Variants in CFAP45 observed in about 807,000 individuals in gnomAD.
CFAP45 encodes cilia and flagella associated protein 45.
CFAP45 carries 43 observed loss-of-function variants against 75.6 expected under a neutral mutation model. The ratio of observed to expected loss-of-function variants is 0.57; its 90% CI spans 0.45 to 0.73. The LOEUF (loss-of-function observed/expected upper bound fraction) is 0.73. Among genes scored for constraint, CFAP45 ranks in the 30% least tolerant of loss-of-function variants. CFAP45 has a pLI of 0.00. For missense variants in CFAP45, 689 were observed against 701.5 expected (o/e 0.98, Z 0.20); for synonymous variants, 223 against 244.6 (o/e 0.91, Z 0.82).
intron 2 of CFAP45, among the ~76,000 whole-genome samples, chr1:159,891,878 C>A (rs534115853): frequency 6.6e-6 from 1 of 152,190 alleles, no homozygotes; most frequent in Non-Finnish European, 1.5e-5. Flanking sequence ...CCCCCTTTTG[C>A]CAGCCAGCAT....
chr1:159,888,702 T>A (rs527653178), intron 3 of CFAP45, among the ~76,000 whole-genome samples: 1 of 152,132 alleles, frequency 6.6e-6, no homozygotes, highest in South Asian at 2.1e-4. Context: ...AAAGAGACAT[T>A]TTAAGTCCTT....
intron 8 of CFAP45, among the ~76,000 whole-genome samples, chr1:159,878,755 A>C (rs1208049371): frequency 1.1e-5 from 1 of 87,950 alleles, no homozygotes; most frequent in East Asian, 2.4e-4. Flanking sequence ...ACTACATCTA[A>C]AAAAAAAAAA....
chr1:159,893,136 T>C (rs368573056), intron 2 of CFAP45, 44 bp downstream of exon 2: 5 of 1,609,356 alleles, frequency 3.1e-6, no homozygotes, highest in Non-Finnish European at 4.2e-6. Context: ...TTTGGGCCTC[T>C]GCCTGCAGGT....
In CFAP45 at chr1:159,880,682, G is replaced by A; in HGVS notation, c.916C>T (p.Gln306Ter). 1 of 1,613,786 alleles carries A rather than the reference G, an allele frequency of 6.2e-7. No homozygotes were observed. The highest frequency in any genetic ancestry group is 8.5e-7 in the Non-Finnish European group (1 of 1,179,874). ...TCAGCTTGCATCTTCAGTTTTTGTT[G>A]CTGCCTTCGTTCCATGTCCTGCCAG... is the stretch of plus-strand genomic sequence containing the variant. ...EDLKDMERRQQQKLKMQAEIK... is the reference protein window; with the variant it reads ...EDLKDMERRQ The change falls in exon 8 of 12, where the codon CAA (glutamine) becomes TAA (stop). Residue 306 changes from glutamine (Q) to a stop codon, truncating the protein, a stop_gained. Transcript: ENST00000368099. LOFTEE classifies it high-confidence loss of function.
chr1:159,879,871 T>C (rs1201243171), intron 8 of CFAP45, among the ~76,000 whole-genome samples: 2 of 152,230 alleles, frequency 1.3e-5, no homozygotes, highest in Non-Finnish European at 2.9e-5. Context: ...TTTAATAACT[T>C]TCCTGCCACC....
rs772944551 is a variant in CFAP45, at chr1:159,884,564, C to G, written c.769G>C (p.Gly257Arg). The G allele has an allele frequency of 7.4e-6, 12 of 1,613,226 alleles. No individual in the cohort carries two copies. The Admixed American group carries it at 2.0e-4, about 27-fold the overall frequency. Residue 257 changes from glycine to arginine, a missense_variant and splice_region_variant, in exon 7 of 12, where the codon GGA becomes CGA. By Grantham distance (125) the Gly-to-Arg change is moderately radical. Coordinates refer to ENST00000368099, the MANE Select transcript of CFAP45 (RefSeq NM_012337.3). ...ATCTGTTCCACAATTTGCCGCCTTC[C>G]TCTTGGAGAGAACAGTGCCACAGTG... Reference protein sequence around the residue: ...ERKRREERIRGRRQIVEQMEK... With the variant: ...ERKRREERIRRRRQIVEQMEK...
At chr1:159,894,971 C>A (rs1649920307) in intron 1 of CFAP45, among the ~76,000 whole-genome samples, 1 of 152,194 alleles carries the variant, frequency 6.6e-6, no homozygotes, top group Admixed American at 6.5e-5. Flanking sequence ...CTTGCCAGAC[C>A]AGTTCTAGGT....
chr1:159,887,794 G>A (rs937664415), intron 5 of CFAP45, 47 bp downstream of exon 5: 15 of 1,566,830 alleles, frequency 9.6e-6, no homozygotes, highest in Non-Finnish European at 1.2e-5. Flanking sequence ...GGAGGGCGGA[G>A]GGATGGCAGT....
chr1:159,896,351 A>C (rs1649950710), intron 1 of CFAP45, among the ~76,000 whole-genome samples: 1 of 152,182 alleles, frequency 6.6e-6, no homozygotes. Context: ...GACAGAGGGA[A>C]GCTCTGAACT....
chr1:159,895,255 A>G (rs970545787), intron 1 of CFAP45, among the ~76,000 whole-genome samples: 1 of 152,184 alleles, frequency 6.6e-6, no homozygotes, highest in Non-Finnish European at 1.5e-5. Flanking sequence ...CTCACTTTGG[A>G]GGAGCCCACA....
At chr1:159,890,368 G>A in intron 3 of CFAP45, 112 bp downstream of exon 3, 3 of 934,188 alleles carry the variant, frequency 3.2e-6, no homozygotes, top group Non-Finnish European at 5.0e-6. Context: ...TAGGAAAGAA[G>A]TGGGGATTGG....
chr1:159,873,827 C>CTCCTTCCT (rs72383149), intron 10 of CFAP45, among the ~76,000 whole-genome samples: 27 of 134,592 alleles, frequency 2.0e-4, no homozygotes, highest in African/African-American at 4.4e-4. Flanking sequence ...GAGATTTCTT[C>CTCCTTCCT]TCCTTCCTTC....
intron 1 of CFAP45, among the ~76,000 whole-genome samples, chr1:159,896,213 G>A (rs1649948302): frequency 6.6e-6 from 1 of 152,208 alleles, no homozygotes; most frequent in South Asian, 2.1e-4. Flanking sequence ...GTTCCTCCAG[G>A]GCTGAGCCTG....
In CFAP45 at chr1:159,880,579, A is replaced by T. The variant is rs1379597036; in HGVS notation, c.1019T>A (p.Val340Glu). 6.2e-7 allele frequency: 1 copy of T among 1,612,664 alleles called. No homozygotes were observed. The highest frequency in any genetic ancestry group is 8.5e-7 in the Non-Finnish European group (1 of 1,179,496). The change falls in exon 8 of 12, where the codon GTG (valine) becomes GAG (glutamate). Residue 340 changes from valine (V) to glutamate (E), a missense_variant. Transcript: ENST00000368099. ...LAQEKLADQMVMEFTKKKMAR... is the reference protein window; with the variant it reads ...LAQEKLADQMEMEFTKKKMAR... Reference sequence around the variant, plus strand: ...CATCTTCTTCTTGGTAAACTCCATCACCATCTGGTCTGCCAGCTTCTCCTG... The same window carrying T: ...CATCTTCTTCTTGGTAAACTCCATCTCCATCTGGTCTGCCAGCTTCTCCTG...
At chr1:159,894,670 T>A (rs1649912483) in intron 1 of CFAP45, among the ~76,000 whole-genome samples, 1 of 152,166 alleles carries the variant, frequency 6.6e-6, no homozygotes, top group Non-Finnish European at 1.5e-5. Context: ...TTTGGCAAAT[T>A]CCCCATCTAA....
At chr1:159,898,222 G>T in intron 1 of CFAP45, 9 of 985,372 alleles carry the variant, frequency 9.1e-6, no homozygotes, top group Non-Finnish European at 1.1e-5. Context: ...TACTCTGAGT[G>T]ATCCACGCAA....
intron 1 of CFAP45, among the ~76,000 whole-genome samples, chr1:159,893,807 G>A (rs993044282): frequency 4.6e-5 from 7 of 151,880 alleles, no homozygotes; most frequent in African/African-American, 1.7e-4. Flanking sequence ...AGATGGCAAG[G>A]TCTAGTATTT....
At chr1:159,887,682 C>T (rs1016963585) in intron 5 of CFAP45, among the ~76,000 whole-genome samples, 159 bp downstream of exon 5, 3 of 152,260 alleles carry the variant, frequency 2.0e-5, no homozygotes, top group Non-Finnish European at 2.9e-5. Context: ...AGCCAGTCCT[C>T]ACTGTGATCA....
intron 10 of CFAP45, among the ~76,000 whole-genome samples, chr1:159,873,880 CCT>C (rs1276210988): frequency 2.8e-5 from 4 of 143,394 alleles, no homozygotes; most frequent in Admixed American, 7.2e-5. Context: ...TTCCTTCCTT[CCT>C]TTCCTGCCTC....
Sources: gnomAD v4.1 joint callset for allele counts (sites outside exome capture counted in the v4.1 genomes callset) on GRCh38, gnomAD v4.1.1 for gene constraint, MANE v1.5 for transcripts, NCBI Gene and HGNC (gene_info 2026-07-23, HGNC 2026-07-21) for gene names.